Variants in WDR31 observed in about 807,000 individuals in gnomAD.
The protein encoded by WDR31 is WD repeat domain 31.
Under a neutral mutation model 47.3 loss-of-function variants are expected in WDR31, and 30 were observed. The observed-to-expected ratio is 0.63, with a 90% confidence interval of 0.47 to 0.86. The LOEUF (loss-of-function observed/expected upper bound fraction) is 0.86, where lower values mean the gene tolerates loss of function less well. Ranked by LOEUF, WDR31 falls within the 40% of genes least tolerant of loss-of-function variation. WDR31 has a pLI of 0.00. For missense variants in WDR31, 406 were observed against 442.9 expected (o/e 0.92, Z 0.75); for synonymous variants, 137 against 159.4 (o/e 0.86, Z 1.06).
chr9:113,328,850 A>G, intron 5 of WDR31, 31 bp downstream of exon 5: 1 of 1,545,170 alleles, frequency 6.5e-7, no homozygotes, highest in Non-Finnish European at 9.0e-7. Context: ...TCAGTTCCAG[A>G]TTGCCTTCAT....
At chr9:113,324,389 C>CTTTTTTT (rs536508042) in intron 5 of WDR31, among the ~76,000 whole-genome samples, 1 of 129,130 alleles carries the variant, frequency 7.7e-6, no homozygotes, top group African/African-American at 3.0e-5. Context: ...AATTTCATTC[C>CTTTTTTT]TTTTTTTTTT....
intron 5 of WDR31, among the ~76,000 whole-genome samples, chr9:113,323,793 C>T (rs1833386630): frequency 6.6e-6 from 1 of 152,146 alleles, no homozygotes; most frequent in Non-Finnish European, 1.5e-5. Context: ...TGTGGGATTC[C>T]TTTTGCACTT....
rs1326322785 is a variant in WDR31 at position 113,331,784 on chromosome 9, A to G, written c.116+123T>C. 4.7e-6 allele frequency: 4 copies of G among 842,738 alleles called. No homozygotes were observed. The African/African-American group carries it at 6.9e-5, about 14-fold the overall frequency. 52.2% of individuals were successfully genotyped at this position (842,738 alleles called of 1,614,324 possible). A position where few individuals can be genotyped will look rare whatever the true frequency, so the allele number is the denominator to read the frequency against. On this transcript the variant is annotated intron_variant, in intron 3 of 10. Transcript: ENST00000374193. ...TATCCAAAAGAAAACACACTAAACT[A>G]TTCAGGGAAGGCCAACTATTCAGGG...
rs1299050806 is a variant in WDR31 at position 113,320,432 on chromosome 9, G to C, written c.705C>G (p.Tyr235Ter). The C allele has an allele frequency of 1.2e-6, 2 of 1,614,134 alleles. No homozygotes were observed. The highest frequency in any genetic ancestry group is 2.2e-5 in the East Asian group (1 of 44,898). ...MFPAKQHIQT[Y>*]CEVSVDGHKC... is the part of the protein sequence containing the mutation. ...TGTGTCCATCCACACTGACTTCACA[G>C]TAGGTCTGAATGTGCTGCTTTGCAG... The change falls in exon 9 of 11, where the codon TAC becomes TAG. Residue 235 changes from tyrosine (Y) to a stop codon, truncating the protein, a stop_gained. Transcript: ENST00000374193. LOFTEE classifies it high-confidence loss of function.
At chr9:113,332,422 ACAT>A (rs1273471154) in intron 2 of WDR31, among the ~76,000 whole-genome samples, 1 of 152,242 alleles carries the variant, frequency 6.6e-6, no homozygotes, top group Non-Finnish European at 1.5e-5. Flanking sequence ...GAGTGGAGAA[ACAT>A]CATGTGGTCA....
chr9:113,316,919 A>C lies in WDR31; in HGVS notation c.944-10T>G, dbSNP rs1423105369. On this transcript the variant is annotated splice_polypyrimidine_tract_variant and intron_variant, in intron 10 of 10. Coordinates refer to ENST00000374193, the MANE Select transcript of WDR31 (RefSeq NM_001012361.4). Reference sequence around the variant, plus strand: ...AAGGTGAAAAGGCAGGCTGGGGGGGAAAGGGGGACCAGCAGATTAGGCCAA... The same window carrying C: ...AAGGTGAAAAGGCAGGCTGGGGGGGCAAGGGGGACCAGCAGATTAGGCCAA... 6.2e-7 allele frequency: 1 copy of C among 1,612,112 alleles called. No individual in the cohort carries two copies. The highest frequency in any genetic ancestry group is 8.5e-7 in the Non-Finnish European group (1 of 1,179,250).
chr9:113,330,566 T>C (rs1366268839), intron 4 of WDR31, among the ~76,000 whole-genome samples: 3 of 152,156 alleles, frequency 2.0e-5, no homozygotes, highest in South Asian at 4.1e-4. Context: ...GTAGAGAGCA[T>C]AAAAGAAGAG....
chr9:113,339,603 T>C (rs1253190144), intron 1 of WDR31, among the ~76,000 whole-genome samples: 1 of 152,140 alleles, frequency 6.6e-6, no homozygotes, highest in African/African-American at 2.4e-5. Flanking sequence ...AGGGAGCCAG[T>C]TCTAGGCCAC....
At chr9:113,338,105 A>C (rs1237494576) in intron 1 of WDR31, among the ~76,000 whole-genome samples, 1 of 132,778 alleles carries the variant, frequency 7.5e-6, no homozygotes. Context: ...AGTTGTTAAC[A>C]ATAAATTATG....
intron 2 of WDR31, among the ~76,000 whole-genome samples, chr9:113,333,019 G>A (rs566253230): frequency 3.9e-5 from 6 of 152,248 alleles, no homozygotes; most frequent in East Asian, 3.9e-4. Flanking sequence ...AGAAGCCTGC[G>A]TCACACTTTT....
At chr9:113,321,378 G>A in intron 8 of WDR31, 133 bp downstream of exon 8, 1 of 854,558 alleles carries the variant, frequency 1.2e-6, no homozygotes, top group Non-Finnish European at 1.8e-6. Context: ...CCCAGCACCA[G>A]TGAAGGGCAG....
intron 2 of WDR31, 108 bp downstream of exon 2, chr9:113,336,180 G>T (rs2118862445): frequency 6.6e-6 from 1 of 152,314 alleles, no homozygotes; most frequent in East Asian, 1.9e-4. Flanking sequence ...TGCTATAAAT[G>T]GATTAGCTCT....
chr9:113,315,976 T>C lies in WDR31; in HGVS notation c.*773A>G, dbSNP rs1833189260. 6.6e-6 allele frequency: 1 copy of C among 152,222 alleles called. No individual in the cohort carries two copies. Among genetic ancestry groups the C allele is most frequent in the Non-Finnish European group, 1.5e-5 (1 of 68,030 alleles). 9.4% of individuals were successfully genotyped at this position (152,222 alleles called of 1,614,324 possible). On this transcript the variant is annotated 3_prime_UTR_variant, in exon 11 of 11. Transcript: ENST00000374193. ...TAAATCCAAATGAAAATATTAAAAT[T>C]GCAAGTGAGATATTTTTGGCCTTAA...
intron 9 of WDR31, 59 bp from the exon 10 acceptor site, chr9:113,318,696 T>G: frequency 6.3e-7 from 1 of 1,582,198 alleles, no homozygotes; most frequent in Non-Finnish European, 8.7e-7. Flanking sequence ...TCCATGAATA[T>G]CTATCTCCCC....
At chr9:113,337,383 A>C (rs577656154) in intron 1 of WDR31, among the ~76,000 whole-genome samples, 1 of 152,302 alleles carries the variant, frequency 6.6e-6, no homozygotes, top group African/African-American at 2.4e-5. Flanking sequence ...CCAAAAATCC[A>C]AAATCCAAAA....
At chr9:113,330,249 C>A (rs140586937) in intron 4 of WDR31, among the ~76,000 whole-genome samples, 1 of 152,062 alleles carries the variant, frequency 6.6e-6, no homozygotes, top group East Asian at 2.0e-4. Flanking sequence ...TACAGGCAAG[C>A]GCCATCATGC....
chr9:113,324,497 C>T (rs1833410003), intron 5 of WDR31, among the ~76,000 whole-genome samples: 1 of 151,500 alleles, frequency 6.6e-6, no homozygotes, highest in East Asian at 1.9e-4. Context: ...TCAAGCAATC[C>T]ACTTGCCTCA....
In WDR31 at chr9:113,336,336, G is replaced by A. The variant is rs1311014543; in HGVS notation, c.-77C>T. ...GGTTAGCTGCCCTATTCAATAATTT[G>A]TAATGTGTATCCTTTGGAAAATAGT... is the stretch of plus-strand genomic sequence containing the variant. On this transcript the variant is annotated 5_prime_UTR_variant, in exon 2 of 11. Transcript: ENST00000374193. The A allele has an allele frequency of 1.3e-5, 2 of 152,198 alleles. No homozygotes were observed. Among genetic ancestry groups the A allele is most frequent in the African/African-American group, 2.4e-5 (1 of 41,444 alleles). The allele number at this position is 152,198 out of a possible 1,614,324, so 9.4% of individuals were successfully genotyped here. A position where few individuals can be genotyped will look rare whatever the true frequency, so the allele number is the denominator to read the frequency against.
chr9:113,317,011 T>A (rs1408899547), intron 10 of WDR31, 102 bp from the exon 11 acceptor site: 1 of 1,372,184 alleles, frequency 7.3e-7, no homozygotes, highest in Non-Finnish European at 9.8e-7. Context: ...TTGCTGTACA[T>A]ATCTAACCCG....
Sources: allele counts gnomAD v4.1 joint callset (sites outside exome capture counted in the v4.1 genomes callset), GRCh38; gene constraint gnomAD v4.1.1; transcripts MANE v1.5; gene names NCBI Gene and HGNC (gene_info 2026-07-23, HGNC 2026-07-21).